DENND1C: variants seen among roughly 807,000 people sequenced by gnomAD.
The protein encoded by DENND1C is DENN domain-containing protein 1C.
In DENND1C, 64 loss-of-function variants were observed where a neutral mutation model predicts 87.9. The ratio of observed to expected loss-of-function variants is 0.73; its 90% CI spans 0.60 to 0.90. The LOEUF (loss-of-function observed/expected upper bound fraction) is 0.90. Ranked by LOEUF, DENND1C falls within the 40% of genes least tolerant of loss-of-function variation. DENND1C has a pLI of 0.00. For missense variants in DENND1C, 980 were observed against 1,037.0 expected, an observed-to-expected ratio of 0.95 and a Z score of 0.76; for synonymous variants, 384 against 424.4, an observed-to-expected ratio of 0.90 and a Z score of 1.17.
intron 1 of DENND1C, 127 bp from the exon 2 acceptor site, chr19:6,480,178 G>A (rs1391247024): frequency 4.0e-6 from 6 of 1,495,564 alleles, no homozygotes; most frequent in Non-Finnish European, 5.4e-6. Flanking sequence ...ATGACTCTGG[G>A]GGTTTGTGGC....
intron 4 of DENND1C, among the ~76,000 whole-genome samples, chr19:6,479,368 GTC>G (rs1165753697): frequency 6.8e-6 from 1 of 147,342 alleles, no homozygotes; most frequent in Non-Finnish European, 1.5e-5. Flanking sequence ...GAGTTTCTGA[GTC>G]TCTGGGTTCC....
chr19:6,480,418 G>C, intron 1 of DENND1C: 1 of 1,117,952 alleles, frequency 8.9e-7, no homozygotes, highest in Non-Finnish European at 1.1e-6. Flanking sequence ...AGATATGAAG[G>C]ACAGCCCGTG....
At position 6,468,288 on chromosome 19, in the gene DENND1C, C is replaced by T. The variant is rs553931977; in HGVS notation, c.1737G>A (p.Pro579=). 1.1e-4 allele frequency: 178 copies of T among 1,613,660 alleles called. 3 individuals are homozygous for T. The South Asian group carries it at 1.4e-3, about 13-fold the overall frequency. The part of the protein sequence containing the change: ...MGAKSAGSLR[P]SQSLDCCHRG... ...TGTGACAGCAGTCTAAACTCTGGCTCGGTCTCAGGCTGCCTGCGCTCTTGG... is the reference window on the plus strand; with the variant it reads ...TGTGACAGCAGTCTAAACTCTGGCTTGGTCTCAGGCTGCCTGCGCTCTTGG... The change falls in exon 22 of 23, where the codon CCG becomes CCA. Residue 579 remains proline (P), a synonymous_variant. Transcript: ENST00000381480.
Position 6,472,996 on chromosome 19 carries a change from G to C in DENND1C, c.1054-3C>G, listed in dbSNP as rs1232944877. 6.5e-7 allele frequency: 1 copy of C among 1,530,558 alleles called. No homozygotes were observed. The highest frequency in any genetic ancestry group is 1.4e-5 in the African/African-American group (1 of 71,996). 94.8% of individuals were successfully genotyped at this position (1,530,558 alleles called of 1,614,324 possible). A position where few individuals can be genotyped will look rare whatever the true frequency, so the allele number is the denominator to read the frequency against. The stretch of plus-strand genomic sequence containing the variant: ...TCACTGAAGGTCACTGGCTGGCCCT[G>C]GAAGAAGCGTTGGAGTTCTGAGCTC... On this transcript the variant is annotated splice_region_variant and splice_polypyrimidine_tract_variant and intron_variant, in intron 14 of 22. Coordinates refer to ENST00000381480, the MANE Select transcript of DENND1C (RefSeq NM_024898.4).
chr19:6,470,991 G>A (rs2092825804), intron 17 of DENND1C, among the ~76,000 whole-genome samples: 1 of 151,840 alleles, frequency 6.6e-6, no homozygotes, highest in Non-Finnish European at 1.5e-5. Context: ...GTCTTGCTCT[G>A]TCACCCAGGC....
chr19:6,467,536 C>T lies in DENND1C; in HGVS notation c.2374G>A (p.Val792Ile), dbSNP rs2092801838. The T allele has an allele frequency of 6.2e-7, 1 of 1,608,642 alleles. No homozygotes were observed. Residue 792 changes from valine to isoleucine, a missense_variant, in exon 23 of 23, where the codon GTC (valine) becomes ATC (isoleucine). Transcript: ENST00000381480. ...TCAAAGCACTTCTTAAGATCAGCGA[C>T]TCTGGGCCGGCTGCTGGGCTGGGAC... is the stretch of plus-strand genomic sequence containing the variant. ...QKSQPSSRPR[V>I]ADLKKCFEG
chr19:6,469,221 G>C (rs2092814523), intron 19 of DENND1C, among the ~76,000 whole-genome samples: 1 of 152,084 alleles, frequency 6.6e-6, no homozygotes, highest in Admixed American at 6.6e-5. Context: ...AGTAGAGATG[G>C]GGTTTCACCA....
At chr19:6,472,827 A>G in intron 15 of DENND1C, 62 bp downstream of exon 15, 1 of 1,351,742 alleles carries the variant, frequency 7.4e-7, no homozygotes, top group Non-Finnish European at 9.7e-7. Context: ...AGTTCAGACA[A>G]GCCCTCGGGG....
At chr19:6,470,658 G>T (rs1239959467) in intron 17 of DENND1C, among the ~76,000 whole-genome samples, 11 of 120,668 alleles carry the variant, frequency 9.1e-5, no homozygotes, top group Non-Finnish European at 1.5e-4. Context: ...GTCTTGCTCT[G>T]TTACCCAGGC....
Position 6,467,277 on chromosome 19 carries a change from T to G in DENND1C, c.*227A>C. The G allele has an allele frequency of 1.8e-6, 1 of 564,030 alleles. No homozygotes were observed. 34.9% of individuals were successfully genotyped at this position (564,030 alleles called of 1,614,324 possible). A position where few individuals can be genotyped will look rare whatever the true frequency, so the allele number is the denominator to read the frequency against. Reference sequence around the variant, plus strand: ...CATTAGCTGAGATGGAAGTGACAAATGCCGAGAGGAATTGTAAGGTTGCCA... The same window carrying G: ...CATTAGCTGAGATGGAAGTGACAAAGGCCGAGAGGAATTGTAAGGTTGCCA... On this transcript the variant is annotated 3_prime_UTR_variant, in exon 23 of 23. Transcript: ENST00000381480.
chr19:6,476,028 G>C, intron 10 of DENND1C, 91 bp from the exon 11 acceptor site: 3 of 1,167,558 alleles, frequency 2.6e-6, no homozygotes, highest in East Asian at 2.6e-5. Context: ...CCAGTCTCCT[G>C]TTCCCCCTCC....
At position 6,473,007 on chromosome 19, in the gene DENND1C, T is replaced by C; in HGVS notation, c.1054-14A>G. 6.6e-7 allele frequency: 1 copy of C among 1,508,768 alleles called. No individual in the cohort carries two copies. Among genetic ancestry groups the C allele is most frequent in the Non-Finnish European group, 8.9e-7 (1 of 1,129,434 alleles). 93.5% of individuals were successfully genotyped at this position (1,508,768 alleles called of 1,614,324 possible). On this transcript the variant is annotated splice_polypyrimidine_tract_variant and intron_variant, in intron 14 of 22. Coordinates refer to ENST00000381480, the MANE Select transcript of DENND1C (RefSeq NM_024898.4). ...CACTGGCTGGCCCTGGAAGAAGCGTTGGAGTTCTGAGCTCCCTGGGGTGCT... is the reference window on the plus strand; with the variant it reads ...CACTGGCTGGCCCTGGAAGAAGCGTCGGAGTTCTGAGCTCCCTGGGGTGCT...
intron 1 of DENND1C, among the ~76,000 whole-genome samples, chr19:6,481,006 G>A (rs1397538649): frequency 6.6e-6 from 1 of 151,812 alleles, no homozygotes; most frequent in Non-Finnish European, 1.5e-5. Flanking sequence ...GGGTAACCGC[G>A]TGGGATCCTT....
At chr19:6,473,807 G>A (rs901954884) in intron 14 of DENND1C, among the ~76,000 whole-genome samples, 1 of 149,162 alleles carries the variant, frequency 6.7e-6, no homozygotes, top group Admixed American at 6.7e-5. Context: ...GTGTGGGCGG[G>A]GGGGTGGGGG....
intron 17 of DENND1C, among the ~76,000 whole-genome samples, chr19:6,470,610 G>GC (rs918328201): frequency 9.9e-6 from 1 of 100,700 alleles, no homozygotes; most frequent in Non-Finnish European, 2.3e-5. Flanking sequence ...TCAAAGAACA[G>GC]TTTTTTTTTG....
chr19:6,480,604 A>G (rs1913508618), intron 1 of DENND1C: 1 of 396,802 alleles, frequency 2.5e-6, no homozygotes, highest in Admixed American at 7.9e-5. Flanking sequence ...CTATCTATCT[A>G]TCTATCTATC....
At chr19:6,471,989 C>T (rs996863016) in intron 15 of DENND1C, among the ~76,000 whole-genome samples, 5 of 152,206 alleles carry the variant, frequency 3.3e-5, no homozygotes, top group African/African-American at 9.6e-5. Flanking sequence ...CCTCCCTCCC[C>T]GAGTCAGGAC....
At chr19:6,480,656 A>T (rs1258482281) in intron 1 of DENND1C, 2 of 234,630 alleles carry the variant, frequency 8.5e-6, no homozygotes, top group Non-Finnish European at 1.4e-5. Flanking sequence ...CCCAGGCTGG[A>T]GTACAGTGGC....
chr19:6,474,571 T>C (rs1290108454), intron 14 of DENND1C, among the ~76,000 whole-genome samples: 2 of 152,118 alleles, frequency 1.3e-5, no homozygotes, highest in Non-Finnish European at 2.9e-5. Flanking sequence ...AATGAGATAA[T>C]AGCAGTGGTA....
Sources: gnomAD v4.1 joint callset for allele counts (sites outside exome capture counted in the v4.1 genomes callset) on GRCh38, gnomAD v4.1.1 for gene constraint, MANE v1.5 for transcripts, NCBI Gene and HGNC (gene_info 2026-07-23, HGNC 2026-07-21) for gene names.